The following MSH3 variants were observed in gnomAD, a reference collection of about 807,000 sequenced individuals.
MSH3 encodes the protein mutS homolog 3, also known as DNA mismatch repair protein Msh3.
In MSH3, 106 loss-of-function variants were observed where a neutral mutation model predicts 123.3. That is an observed-to-expected ratio of 0.86 (90% CI 0.73 to 1.01). The LOEUF (loss-of-function observed/expected upper bound fraction) is 1.01, where lower values mean the gene tolerates loss of function less well. Among genes scored for constraint, MSH3 ranks in the 50% least tolerant of loss-of-function variants. The pLI is 0.00. For synonymous variants in MSH3, 515 were observed against 481.4 expected, an observed-to-expected ratio of 1.07 and a Z score of -0.91; for missense variants, 1,459 against 1,347.6, an observed-to-expected ratio of 1.08 and a Z score of -1.29.
At chr5:80,780,633 G>A (rs1744393708) in intron 17 of MSH3, among the ~76,000 whole-genome samples, 1 of 152,170 alleles carries the variant, frequency 6.6e-6, no homozygotes, top group Non-Finnish European at 1.5e-5. Flanking sequence ...TTGGGAGGCT[G>A]AGGTGGGCAG....
intron 20 of MSH3, among the ~76,000 whole-genome samples, chr5:80,815,298 A>G (rs1408216520): frequency 1.3e-5 from 2 of 152,206 alleles, no homozygotes; most frequent in African/African-American, 2.4e-5. Context: ...TTGATTTTCT[A>G]TTTTATAAGA....
intron 15 of MSH3, among the ~76,000 whole-genome samples, chr5:80,772,272 G>A (rs1221922938): frequency 6.6e-6 from 1 of 152,154 alleles, no homozygotes; most frequent in African/African-American, 2.4e-5. Context: ...GGTTTAAAAT[G>A]TGGAAAATAA....
chr5:80,660,794 C>A (rs1749418482), intron 2 of MSH3, among the ~76,000 whole-genome samples: 1 of 151,972 alleles, frequency 6.6e-6, no homozygotes, highest in South Asian at 2.1e-4. Flanking sequence ...TTTTGGTGGA[C>A]CTTGTCTCTT....
intron 11 of MSH3, 113 bp from the exon 12 acceptor site, chr5:80,744,393 T>G: frequency 1.3e-6 from 1 of 742,410 alleles, no homozygotes; most frequent in Non-Finnish European, 2.4e-6. Context: ...GAACACCTGT[T>G]ATGAGCCACA....
rs149628160 is a variant in MSH3 at position 80,787,640 on chromosome 5, G to A, written c.2511G>A (p.Leu837=). 721 of 1,613,778 alleles carry A rather than the reference G, an allele frequency of 4.5e-4. 4 individuals are homozygous for A. The African/African-American group carries it at 8.6e-3, about 19-fold the overall frequency. ...HLATVDCIFS[L]AKVAKQGDYC... ...CAACTGTTGACTGCATTTTCTCCCT[G>A]GCCAAGGTCGCTAAGCAAGGAGATT... is the stretch of plus-strand genomic sequence containing the variant. Residue 837 remains leucine, a synonymous_variant, in exon 18 of 24, where the codon CTG becomes CTA. Coordinates refer to ENST00000265081, the MANE Select transcript of MSH3 (RefSeq NM_002439.5).
intron 8 of MSH3, among the ~76,000 whole-genome samples, chr5:80,717,244 C>T (rs905440139): frequency 8.5e-5 from 13 of 152,066 alleles, no homozygotes; most frequent in African/African-American, 2.4e-4. Flanking sequence ...ATTGCTGGAT[C>T]ATGTAATAGT....
chr5:80,818,545 A>G (rs1745147272), intron 20 of MSH3, among the ~76,000 whole-genome samples: 1 of 152,030 alleles, frequency 6.6e-6, no homozygotes, highest in South Asian at 2.1e-4. Flanking sequence ...TTTTTAAAGC[A>G]CTAGTGAAAC....
Position 80,692,824 on chromosome 5 carries a change from T to C in MSH3, c.1340+13731T>C, listed in dbSNP as rs184425051. On this transcript the variant is annotated intron_variant, in intron 8 of 23. Coordinates refer to ENST00000265081, the MANE Select transcript of MSH3 (RefSeq NM_002439.5). ...ATGTATATGTTTAGATAAATATACATACACATGTATATGTTTAGATAAATA... is the reference window on the plus strand; with the variant it reads ...ATGTATATGTTTAGATAAATATACACACACATGTATATGTTTAGATAAATA... Among the ~76,000 whole-genome samples the C allele has an allele frequency of 2.8e-3, 367 of 131,002 alleles. 6 individuals are homozygous for C. Among genetic ancestry groups the C allele is most frequent in the African/African-American group, 9.9e-3 (350 of 35,502 alleles). The allele number at this position is 131,002 out of a possible 152,430, so 85.9% of individuals were successfully genotyped here. A position where few individuals can be genotyped will look rare whatever the true frequency, so the allele number is the denominator to read the frequency against.
At chr5:80,843,937 C>T (rs988742968) in intron 20 of MSH3, among the ~76,000 whole-genome samples, 1 of 151,546 alleles carries the variant, frequency 6.6e-6, no homozygotes, top group Non-Finnish European at 1.5e-5. Context: ...TTGCCTTCTG[C>T]TTGCTTTTGA....
intron 19 of MSH3, among the ~76,000 whole-genome samples, chr5:80,813,113 C>A (rs911937026): frequency 6.6e-6 from 1 of 152,206 alleles, no homozygotes; most frequent in Admixed American, 6.5e-5. Flanking sequence ...GCTGGTAAAC[C>A]AATGTCTAGA....
At chr5:80,770,440 C>T (rs947370304) in intron 15 of MSH3, among the ~76,000 whole-genome samples, 52 of 152,076 alleles carry the variant, frequency 3.4e-4, no homozygotes, top group Admixed American at 3.0e-3. Context: ...GCTTATACTA[C>T]TCATATAATA....
At chr5:80,748,179 T>C (rs1030504267) in intron 12 of MSH3, among the ~76,000 whole-genome samples, 1 of 152,228 alleles carries the variant, frequency 6.6e-6, no homozygotes, top group Non-Finnish European at 1.5e-5. Flanking sequence ...TTGTCAGTCA[T>C]CCATGAATTC....
intron 8 of MSH3, among the ~76,000 whole-genome samples, chr5:80,708,558 A>G (rs1399378362): frequency 6.6e-6 from 1 of 151,976 alleles, no homozygotes; most frequent in Non-Finnish European, 1.5e-5. Flanking sequence ...CCTGGGCCCA[A>G]GTGATCCTCT....
chr5:80,761,649 A>G lies in MSH3; in HGVS notation c.1867A>G (p.Arg623Gly), dbSNP rs1237885290. 8.7e-6 allele frequency: 14 copies of G among 1,614,010 alleles called. No individual in the cohort carries two copies. Among genetic ancestry groups the G allele is most frequent in the Non-Finnish European group, 1.2e-5 (14 of 1,180,012 alleles). ...NHLRKLPDIE[R>G]GLCSIYHKKC... ...TCTACGTAAATTGCCCGACATAGAG[A>G]GGGGACTCTGTAGCATTTATCACAA... The change falls in exon 13 of 24, where the codon AGG becomes GGG. Residue 623 changes from arginine to glycine, a missense_variant. Arg to Gly is a moderately radical substitution (Grantham distance 125). Coordinates refer to ENST00000265081, the MANE Select transcript of MSH3 (RefSeq NM_002439.5).
At chr5:80,861,935 T>G (rs535782035) in intron 21 of MSH3, among the ~76,000 whole-genome samples, 3 of 152,168 alleles carry the variant, frequency 2.0e-5, no homozygotes, top group Admixed American at 6.5e-5. Flanking sequence ...ACTTTTTCCT[T>G]GTGATGGAGA....
chr5:80,853,993 A>T, intron 20 of MSH3, 137 bp from the exon 21 acceptor site: 1 of 707,210 alleles, frequency 1.4e-6, no homozygotes, highest in Non-Finnish European at 2.4e-6. Flanking sequence ...TCTTTTGTTT[A>T]ATTTAATTTG....
chr5:80,699,814 A>G (rs2112837102), intron 8 of MSH3, among the ~76,000 whole-genome samples: 1 of 152,286 alleles, frequency 6.6e-6, no homozygotes, highest in South Asian at 2.1e-4. Context: ...CCTTTACAGC[A>G]AATATTAATG....
chr5:80,779,139 C>T (rs968772012), intron 17 of MSH3, among the ~76,000 whole-genome samples: 2 of 151,804 alleles, frequency 1.3e-5, no homozygotes, highest in South Asian at 4.1e-4. Flanking sequence ...ATTACAGGCA[C>T]CCACCACTAC....
chr5:80,728,538 G>C (rs1454509270), intron 9 of MSH3, among the ~76,000 whole-genome samples: 1 of 152,006 alleles, frequency 6.6e-6, no homozygotes, highest in African/African-American at 2.4e-5. Context: ...TTGACATGCA[G>C]TTTGGAGTAT....
Sources: allele counts gnomAD v4.1 joint callset (sites outside exome capture counted in the v4.1 genomes callset), GRCh38; gene constraint gnomAD v4.1.1; transcripts MANE v1.5; gene names NCBI Gene and HGNC (gene_info 2026-07-23, HGNC 2026-07-21).